Variants in TENM2 observed in about 807,000 individuals in gnomAD.
The protein encoded by TENM2 is teneurin transmembrane protein 2.
Under a neutral mutation model 245.2 loss-of-function variants are expected in TENM2, and 52 were observed. The ratio of observed to expected loss-of-function variants is 0.21; its 90% CI spans 0.17 to 0.27. The LOEUF is 0.27. TENM2 is among the 10% of genes least tolerant of loss of function. TENM2 has a pLI of 1.00. For synonymous variants in TENM2, 1,363 were observed against 1,438.9 expected (o/e 0.95, Z 1.19); for missense variants, 3,046 against 3,666.8 (o/e 0.83, Z 4.37).
At chr5:167,180,028 A>G in the TENM2 span, among the ~76,000 whole-genome samples, 1 of 150,726 alleles carries the variant, frequency 6.6e-6, no homozygotes, top group Non-Finnish European at 1.5e-5. Flanking sequence ...TCCTGTTGGT[A>G]CTGTTTGACC....
chr5:167,099,739 A>G, the TENM2 span, among the ~76,000 whole-genome samples: 2 of 152,212 alleles, frequency 1.3e-5, no homozygotes, highest in Admixed American at 6.5e-5. Flanking sequence ...AAACTAAGTT[A>G]CACATATTTT....
intron 3 of TENM2, among the ~76,000 whole-genome samples, chr5:167,944,569 C>T (rs1481726051): frequency 6.6e-6 from 1 of 152,218 alleles, no homozygotes; most frequent in South Asian, 2.1e-4. Context: ...AGACAGATGT[C>T]GTGGTTATAA....
At chr5:167,792,136 C>T (rs780294299) in intron 2 of TENM2, among the ~76,000 whole-genome samples, 18 of 152,112 alleles carry the variant, frequency 1.2e-4, no homozygotes, top group Non-Finnish European at 2.1e-4. Flanking sequence ...TGGCCTTGCT[C>T]GTTTATGGGA....
At chr5:167,643,379 G>C (rs560334925) in intron 2 of TENM2, among the ~76,000 whole-genome samples, 1 of 152,170 alleles carries the variant, frequency 6.6e-6, no homozygotes, top group African/African-American at 2.4e-5. Flanking sequence ...TGCAGTATGC[G>C]GTCGCTTGTG....
chr5:167,405,755 A>G (rs894948686), intron 2 of TENM2, among the ~76,000 whole-genome samples: 3 of 91,442 alleles, frequency 3.3e-5, no homozygotes, highest in African/African-American at 8.6e-5. Context: ...GTGCAATTCA[A>G]ACACACACAC....
chr5:168,110,920 A>C (rs1794625261), intron 9 of TENM2, among the ~76,000 whole-genome samples: 1 of 152,198 alleles, frequency 6.6e-6, no homozygotes, highest in Non-Finnish European at 1.5e-5. Flanking sequence ...GAATTGAATT[A>C]ATCATAGGCT....
At chr5:167,395,396 T>A (rs1761996047) in intron 2 of TENM2, among the ~76,000 whole-genome samples, 1 of 152,146 alleles carries the variant, frequency 6.6e-6, no homozygotes, top group South Asian at 2.1e-4. Flanking sequence ...TTGGGATATT[T>A]TTCTTTTGTC....
the TENM2 span, among the ~76,000 whole-genome samples, chr5:167,253,579 A>G: frequency 1.3e-5 from 2 of 152,134 alleles, no homozygotes. Flanking sequence ...GTGAATTTCT[A>G]TTTCTTAAGT....
At chr5:167,305,488 C>G (rs1489564965) in intron 1 of TENM2, among the ~76,000 whole-genome samples, 2 of 152,120 alleles carry the variant, frequency 1.3e-5, no homozygotes, top group African/African-American at 4.8e-5. Context: ...TTTTATCAAC[C>G]CTTCTCAGGA....
chr5:167,761,947 T>C (rs1762699280), intron 2 of TENM2, among the ~76,000 whole-genome samples: 1 of 152,182 alleles, frequency 6.6e-6, no homozygotes, highest in Admixed American at 6.5e-5. Context: ...CTTTGAATCA[T>C]CAATAAGCTT....
intron 12 of TENM2, among the ~76,000 whole-genome samples, chr5:168,153,487 A>C (rs1378476946): frequency 1.3e-5 from 2 of 152,252 alleles, no homozygotes; most frequent in African/African-American, 4.8e-5. Flanking sequence ...CCAGCTGAGC[A>C]CAAGGTGAAT....
At chr5:167,077,172 A>G in the TENM2 span, among the ~76,000 whole-genome samples, 1 of 152,204 alleles carries the variant, frequency 6.6e-6, no homozygotes, top group African/African-American at 2.4e-5. Flanking sequence ...GCAATACTAC[A>G]TATTTCACAA....
chr5:167,475,683 G>A (rs1767326782), intron 2 of TENM2, among the ~76,000 whole-genome samples: 1 of 151,614 alleles, frequency 6.6e-6, no homozygotes, highest in Non-Finnish European at 1.5e-5. Flanking sequence ...AGTGTGTGAT[G>A]TTCCCCTCCC....
At chr5:167,252,067 G>C in the TENM2 span, among the ~76,000 whole-genome samples, 3 of 152,082 alleles carry the variant, frequency 2.0e-5, no homozygotes, top group South Asian at 2.1e-4. Flanking sequence ...CTTTTGGGGG[G>C]CCTAGTGTGA....
the TENM2 span, among the ~76,000 whole-genome samples, chr5:166,998,169 T>G: frequency 6.6e-6 from 1 of 152,124 alleles, no homozygotes; most frequent in African/African-American, 2.4e-5. Flanking sequence ...GAGGTGGGAA[T>G]ACAAGTGGAA....
chr5:167,806,406 G>A (rs922892917), intron 2 of TENM2, among the ~76,000 whole-genome samples: 1 of 152,036 alleles, frequency 6.6e-6, no homozygotes, highest in South Asian at 2.1e-4. Context: ...GAAAAAAAAA[G>A]ATTTTTACTC....
chr5:167,521,825 G>C (rs1770774359), intron 2 of TENM2, among the ~76,000 whole-genome samples: 1 of 152,044 alleles, frequency 6.6e-6, no homozygotes, highest in African/African-American at 2.4e-5. Flanking sequence ...TCCCTTATTG[G>C]AGTATCTCTG....
the TENM2 span, among the ~76,000 whole-genome samples, chr5:167,109,508 A>T: frequency 6.6e-6 from 1 of 152,220 alleles, no homozygotes; most frequent in Non-Finnish European, 1.5e-5. Flanking sequence ...ACCTAAATTC[A>T]AATGCTATAA....
At chr5:167,619,239 C>T (rs1455325411) in intron 2 of TENM2, among the ~76,000 whole-genome samples, 1 of 152,128 alleles carries the variant, frequency 6.6e-6, no homozygotes, top group African/African-American at 2.4e-5. Context: ...TCATCAGTAA[C>T]AATGTGAAAA....
Sources: gnomAD v4.1 joint callset for allele counts (sites outside exome capture counted in the v4.1 genomes callset) on GRCh38, gnomAD v4.1.1 for gene constraint, MANE v1.5 for transcripts, NCBI Gene and HGNC (gene_info 2026-07-23, HGNC 2026-07-21) for gene names.